Variants in ABL1 observed in about 807,000 individuals in gnomAD.
The protein encoded by ABL1 is ABL proto-oncogene 1, non-receptor tyrosine kinase.
A neutral mutation model predicts 94.7 loss-of-function variants in ABL1; 11 were observed. The observed-to-expected ratio is 0.12, with a 90% confidence interval of 0.07 to 0.19. ABL1 has a LOEUF of 0.19. Ranked by LOEUF, ABL1 falls within the 10% of genes least tolerant of loss-of-function variation. The pLI, the probability that ABL1 is intolerant of heterozygous loss-of-function variation, is 1.00. For synonymous variants in ABL1, 656 were observed against 622.4 expected, an observed-to-expected ratio of 1.05 and a Z score of -0.80; for missense variants, 1,082 against 1,489.4, an observed-to-expected ratio of 0.73 and a Z score of 4.50.
chr9:130,731,489 C>G (rs1314451680), intron 1 of ABL1, among the ~76,000 whole-genome samples: 1 of 151,996 alleles, frequency 6.6e-6, no homozygotes, highest in Admixed American at 6.6e-5. Context: ...ATTGTTTTTT[C>G]TGTGTAGGGG....
At chr9:130,809,700 A>G (rs748957369) in intron 1 of ABL1, among the ~76,000 whole-genome samples, 1 of 152,146 alleles carries the variant, frequency 6.6e-6, no homozygotes, top group Non-Finnish European at 1.5e-5. Flanking sequence ...AAAGGGTCAG[A>G]TTTTTTGTTC....
chr9:130,756,219 C>G (rs1388746145), intron 1 of ABL1, among the ~76,000 whole-genome samples: 1 of 152,094 alleles, frequency 6.6e-6, no homozygotes, highest in Admixed American at 6.6e-5. Context: ...TTCTCATTTC[C>G]CTTTTCTCCT....
In ABL1 at chr9:130,855,202, T is replaced by G. The variant is rs540514397; in HGVS notation, c.549+106T>G. ...GCAAGAAAGCTCAACCAAGAAGATG[T>G]TTAAAGAATCTTTCAGGTGGGAGTC... On this transcript the variant is annotated intron_variant, in intron 3 of 10. Transcript: ENST00000318560. 6 of 1,323,764 alleles carry G rather than the reference T, an allele frequency of 4.5e-6. No homozygotes were observed. The African/African-American group carries it at 7.3e-5, about 16-fold the overall frequency. The allele number at this position is 1,323,764 out of a possible 1,614,324, so 82.0% of individuals were successfully genotyped here. A position where few individuals can be genotyped will look rare whatever the true frequency, so the allele number is the denominator to read the frequency against.
intron 1 of ABL1, among the ~76,000 whole-genome samples, chr9:130,715,231 A>C (rs981735682): frequency 6.6e-6 from 1 of 152,220 alleles, no homozygotes; most frequent in African/African-American, 2.4e-5. Context: ...AGTTAAAGCT[A>C]AGGGTCGGCT....
At position 130,853,686 on chromosome 9, in the gene ABL1, A is replaced by G. The variant is rs573332520; in HGVS notation, c.80-378A>G. On this transcript the variant is annotated intron_variant, in intron 1 of 10. Transcript: ENST00000318560. ...CACCTTGGCCTCCCAAAGTGCTGGG[A>G]TTACGGGCGTGAGCCACCATGCCCG... Among the ~76,000 whole-genome samples the G allele has an allele frequency of 2.6e-5, 4 of 152,284 alleles. No homozygotes were observed. The East Asian group carries it at 7.7e-4, about 29-fold the overall frequency.
chr9:130,717,635 G>C (rs1019443581), intron 1 of ABL1, among the ~76,000 whole-genome samples: 4 of 151,248 alleles, frequency 2.6e-5, no homozygotes, highest in African/African-American at 4.9e-5. Flanking sequence ...TTGGGCAATA[G>C]AGGGAGACCG....
chr9:130,880,186 G>C lies in ABL1; in HGVS notation c.1513+29G>C. ...AAGTACCCATCCCGGGGTACCTGCA[G>C]TGGGGTGAAAGGGCAGCCATGTGGG... On this transcript the variant is annotated intron_variant, in intron 9 of 10. Coordinates refer to ENST00000318560, the MANE Select transcript of ABL1 (RefSeq NM_005157.6). This position sits in a 1 kb window ranked among gnomAD's most constrained non-coding sequence, Gnocchi z 4.4. The C allele has an allele frequency of 1.9e-6, 3 of 1,607,452 alleles. No homozygotes were observed. The highest frequency in any genetic ancestry group is 2.6e-6 in the Non-Finnish European group (3 of 1,174,162).
intron 1 of ABL1, among the ~76,000 whole-genome samples, chr9:130,789,904 G>A (rs1218277795): frequency 6.6e-6 from 1 of 152,176 alleles, no homozygotes; most frequent in African/African-American, 2.4e-5. Flanking sequence ...TGTAAACCAC[G>A]AGAGGCTCAG....
chr9:130,740,769 C>T (rs566852607), intron 1 of ABL1, among the ~76,000 whole-genome samples: 72 of 151,936 alleles, frequency 4.7e-4, no homozygotes, highest in African/African-American at 1.6e-3. Context: ...GATCCTCCCA[C>T]CTCGGTCTCT....
chr9:130,754,340 C>CTACTAAAAA, intron 1 of ABL1, among the ~76,000 whole-genome samples: 1 of 151,358 alleles, frequency 6.6e-6, no homozygotes, highest in East Asian at 2.0e-4. Context: ...AACCCCGTCT[C>CTACTAAAAA]TACTAAAAAT....
intron 1 of ABL1, among the ~76,000 whole-genome samples, chr9:130,791,310 AAAT>A (rs1440280177): frequency 6.6e-6 from 1 of 152,250 alleles, no homozygotes; most frequent in Non-Finnish European, 1.5e-5. Context: ...AACAGCCTTT[AAAT>A]AATGAGAACG....
At position 130,863,092 on chromosome 9, in the gene ABL1, T is replaced by C; in HGVS notation, c.822+57T>C. 6.6e-7 allele frequency: 1 copy of C among 1,511,990 alleles called. No homozygotes were observed. The highest frequency in any genetic ancestry group is 8.9e-7 in the Non-Finnish European group (1 of 1,126,310). 93.7% of individuals were successfully genotyped at this position (1,511,990 alleles called of 1,614,324 possible). On this transcript the variant is annotated intron_variant, in intron 4 of 10. Coordinates refer to ENST00000318560, the MANE Select transcript of ABL1 (RefSeq NM_005157.6). The surrounding 1 kb of genome is among the most constrained non-coding windows in gnomAD (Gnocchi z 4.3). ...ACGTGGGGCAAGGCGTCTGCTGGCA[T>C]TAGGCGATGCATCTGCCTGGAAGTC...
At position 130,835,537 on chromosome 9, in the gene ABL1, C is replaced by A; in HGVS notation, c.79+12C>A. ...CTGTTATCTGGAAGGTAAGCCCGGGCCGCACGGGTTGGGCTGAGTAGCCGC... is the reference window on the plus strand; with the variant it reads ...CTGTTATCTGGAAGGTAAGCCCGGGACGCACGGGTTGGGCTGAGTAGCCGC... On this transcript the variant is annotated intron_variant, in intron 1 of 10. Transcript: ENST00000318560. The surrounding 1 kb of genome is among the most constrained non-coding windows in gnomAD (Gnocchi z 4.6). 6.5e-7 allele frequency: 1 copy of A among 1,549,896 alleles called. No homozygotes were observed. Among genetic ancestry groups the A allele is most frequent in the Non-Finnish European group, 8.7e-7 (1 of 1,145,710 alleles).
intron 4 of ABL1, among the ~76,000 whole-genome samples, chr9:130,870,219 C>G (rs1325226412): frequency 6.6e-6 from 1 of 152,176 alleles, no homozygotes; most frequent in Non-Finnish European, 1.5e-5. Context: ...TTTGTACTTT[C>G]CTCCCTTGTG....
intron 1 of ABL1, among the ~76,000 whole-genome samples, chr9:130,789,590 G>A (rs1829877615): frequency 6.6e-6 from 1 of 152,006 alleles, no homozygotes; most frequent in East Asian, 1.9e-4. Context: ...AGAAACAATA[G>A]TTGTTCCTGA....
intron 3 of ABL1, among the ~76,000 whole-genome samples, chr9:130,857,666 C>T (rs987324310): frequency 1.3e-5 from 2 of 151,674 alleles, no homozygotes; most frequent in Non-Finnish European, 2.9e-5. Context: ...CACACATTCA[C>T]TTGTACCATA....
intron 1 of ABL1, among the ~76,000 whole-genome samples, chr9:130,749,073 A>T (rs964400763): frequency 2.0e-5 from 3 of 152,132 alleles, no homozygotes; most frequent in Non-Finnish European, 4.4e-5. Flanking sequence ...TTTTAGGGAC[A>T]TTTAATGATA....
At position 130,872,826 on chromosome 9, in the gene ABL1, C is replaced by T. The variant is rs746658422; in HGVS notation, c.908-34C>T. 2 of 1,587,214 alleles carry T rather than the reference C, an allele frequency of 1.3e-6. No individual in the cohort carries two copies. On this transcript the variant is annotated intron_variant, in intron 5 of 10. Transcript: ENST00000318560. This position sits in a 1 kb window ranked among gnomAD's most constrained non-coding sequence, Gnocchi z 5.0. ...GTTGTTTGTTCAGTTGGGAGCGGAG[C>T]CACGTGTTGAAGTCCTCGTTGTCTT...
upstream of ABL1, among the ~76,000 whole-genome samples, chr9:130,831,173 C>A (rs117516463): frequency 1.3e-5 from 2 of 152,188 alleles, no homozygotes; most frequent in South Asian, 2.1e-4. Context: ...CTGTTCCCCC[C>A]CTAAAGCTAC....
Sources: gnomAD v4.1 joint callset for allele counts (sites outside exome capture counted in the v4.1 genomes callset) on GRCh38, gnomAD v4.1.1 for gene constraint, Gnocchi (gnomAD v3.1) non-coding constraint, MANE v1.5 for transcripts, NCBI Gene and HGNC (gene_info 2026-07-23, HGNC 2026-07-21) for gene names.